Variants in PDZD2 observed in about 807,000 individuals in gnomAD.
PDZD2 encodes the protein PDZ domain-containing protein 2.
PDZD2 carries 90 observed loss-of-function variants against 220.7 expected under a neutral mutation model. The observed-to-expected ratio is 0.41, with a 90% CI of 0.34 to 0.49. The LOEUF (loss-of-function observed/expected upper bound fraction) is 0.49, where lower values mean the gene tolerates loss of function less well. Ranked by LOEUF, PDZD2 falls within the 20% of genes least tolerant of loss-of-function variation. PDZD2 has a pLI of 0.28. For missense variants in PDZD2, 3,174 were observed against 3,608.5 expected (o/e 0.88, Z 3.08); for synonymous variants, 1,375 against 1,450.5 (o/e 0.95, Z 1.18).
rs1752024104 is a variant in PDZD2 at position 32,000,555 on chromosome 5, G to T, written c.1254+284G>T. ...GACGGAGTTTCACTCTTGTTGCCTA[G>T]TCTGGAGTGCAATGGCGCAATCTCG... On this transcript the variant is annotated intron_variant, in intron 5 of 24. Transcript: ENST00000438447. The surrounding 1 kb of genome is among the most constrained non-coding windows in gnomAD (Gnocchi z 4.5). 6.6e-6 allele frequency among the ~76,000 whole-genome samples: 1 copy of T among 152,012 alleles called. No homozygotes were observed. The highest frequency in any genetic ancestry group is 1.5e-5 in the Non-Finnish European group (1 of 68,012).
At chr5:31,892,143 C>G (rs1741106143) in intron 2 of PDZD2, among the ~76,000 whole-genome samples, 1 of 151,980 alleles carries the variant, frequency 6.6e-6, no homozygotes, top group African/African-American at 2.4e-5. Context: ...TCCTGGGGTT[C>G]AAGCATTTCT....
intron 14 of PDZD2, among the ~76,000 whole-genome samples, chr5:32,068,249 A>G (rs868175751): frequency 5.0e-4 from 76 of 152,340 alleles, no homozygotes; most frequent in African/African-American, 1.8e-3. Context: ...AGTGCCATGA[A>G]AGACCAAGGA....
intron 2 of PDZD2, among the ~76,000 whole-genome samples, chr5:31,835,867 C>T (rs920315308): frequency 1.3e-5 from 2 of 152,146 alleles, no homozygotes; most frequent in Admixed American, 6.5e-5. Context: ...GTGACATAAG[C>T]GTTCCTTCTG....
Position 32,052,639 on chromosome 5 carries a change from G to A in PDZD2, c.1694G>A (p.Arg565His), listed in dbSNP as rs764665924. Reference protein sequence around the residue: ...QEYHIVKKSTRSLSTTQVESP... With the variant: ...QEYHIVKKSTHSLSTTQVESP... Reference sequence around the variant, plus strand: ...TACCACATTGTGAAGAAGTCTACCCGCTCCTTAAGCACGACTCAGGTGGAA... The same window carrying A: ...TACCACATTGTGAAGAAGTCTACCCACTCCTTAAGCACGACTCAGGTGGAA... Residue 565 changes from arginine (R) to histidine (H), a missense_variant, in exon 9 of 25, where the codon CGC becomes CAC. Transcript: ENST00000438447. The A allele has an allele frequency of 9.3e-6, 15 of 1,613,180 alleles. No individual in the cohort carries two copies. The highest frequency in any genetic ancestry group is 1.7e-5 in the Admixed American group (1 of 60,012).
intron 1 of PDZD2, among the ~76,000 whole-genome samples, chr5:31,691,469 A>ATCTGGCG (rs1561386389): frequency 1.4e-4 from 18 of 129,034 alleles, no homozygotes; most frequent in Middle Eastern, 3.8e-3. Context: ...TTATTCTCTT[A>ATCTGGCG]CCTGGCGCCA....
At chr5:32,059,010 G>T (rs541088345) in intron 12 of PDZD2, among the ~76,000 whole-genome samples, 10 of 152,204 alleles carry the variant, frequency 6.6e-5, no homozygotes, top group African/African-American at 2.4e-4. Flanking sequence ...AGAGTTGACC[G>T]TCGGATAATT....
At chr5:31,720,010 T>C (rs566335905) in intron 1 of PDZD2, among the ~76,000 whole-genome samples, 1 of 152,346 alleles carries the variant, frequency 6.6e-6, no homozygotes, top group South Asian at 2.1e-4. Flanking sequence ...GCTGCCCCAG[T>C]GGAGATCTTT....
intron 8 of PDZD2, among the ~76,000 whole-genome samples, chr5:32,051,134 G>T (rs1257876796): frequency 6.6e-6 from 1 of 152,176 alleles, no homozygotes; most frequent in Non-Finnish European, 1.5e-5. Context: ...TCCCAAAAGA[G>T]AGATGGAGTG....
At chr5:31,666,382 C>T (rs1745987902) in intron 1 of PDZD2, among the ~76,000 whole-genome samples, 1 of 152,210 alleles carries the variant, frequency 6.6e-6, no homozygotes, top group Non-Finnish European at 1.5e-5. Context: ...ATTTCTCCTG[C>T]AGCCGAGCTT....
At chr5:32,049,300 C>A (rs1198525757) in intron 8 of PDZD2, among the ~76,000 whole-genome samples, 1 of 152,190 alleles carries the variant, frequency 6.6e-6, no homozygotes, top group Non-Finnish European at 1.5e-5. Context: ...GGTCTCCTAA[C>A]CAAGGCTAAG....
intron 2 of PDZD2, among the ~76,000 whole-genome samples, chr5:31,906,585 G>A (rs1335825385): frequency 6.6e-6 from 1 of 152,110 alleles, no homozygotes; most frequent in African/African-American, 2.4e-5. Context: ...GCTCACCCCT[G>A]TAATCCTCAC....
intron 3 of PDZD2, 89 bp from the exon 4 acceptor site, chr5:31,995,487 A>G: frequency 7.5e-7 from 1 of 1,337,692 alleles, no homozygotes; most frequent in Non-Finnish European, 1.1e-6. Flanking sequence ...AGTGATGGAT[A>G]TTCGGCCAGA....
At chr5:31,694,625 G>C (rs1160967243) in intron 1 of PDZD2, among the ~76,000 whole-genome samples, 1 of 152,120 alleles carries the variant, frequency 6.6e-6, no homozygotes, top group Non-Finnish European at 1.5e-5. Context: ...GCCTTGGAGA[G>C]GAAATGGGAC....
At chr5:31,664,410 G>A (rs931116129) in intron 1 of PDZD2, among the ~76,000 whole-genome samples, 2 of 151,844 alleles carry the variant, frequency 1.3e-5, no homozygotes, top group East Asian at 3.9e-4. Flanking sequence ...ATACAGGCCA[G>A]GGCCATCACA....
chr5:31,657,058 C>T lies in PDZD2; in HGVS notation c.-361+17621C>T, dbSNP rs554445179. Among the ~76,000 whole-genome samples, 21 of 152,276 alleles carry T rather than the reference C, an allele frequency of 1.4e-4. 1 individual carries two copies. In the East Asian group the frequency reaches 2.7e-3, roughly 20 times the overall value. ...TGGAGGGAGTGATGTCATACTGAGACAGGAAATGTCATAAAGCTGGAAAAT... is the reference window on the plus strand; with the variant it reads ...TGGAGGGAGTGATGTCATACTGAGATAGGAAATGTCATAAAGCTGGAAAAT... On this transcript the variant is annotated intron_variant, in intron 1 of 24. Coordinates refer to ENST00000438447, the MANE Select transcript of PDZD2 (RefSeq NM_178140.4).
intron 1 of PDZD2, among the ~76,000 whole-genome samples, chr5:31,714,010 G>A (rs1256487298): frequency 1.3e-5 from 2 of 152,128 alleles, no homozygotes; most frequent in Non-Finnish European, 2.9e-5. Flanking sequence ...CATCACAAAT[G>A]GACTAAGATG....
intron 2 of PDZD2, among the ~76,000 whole-genome samples, chr5:31,877,899 G>A (rs1453865702): frequency 6.6e-6 from 1 of 152,036 alleles, no homozygotes; most frequent in Non-Finnish European, 1.5e-5. Context: ...ATATTGGCCA[G>A]GCTGGTCTCG....
In PDZD2 at chr5:31,855,147, G is replaced by GA. The variant is rs1384436451; in HGVS notation, c.476+55425dup. The GA allele has an allele frequency of 3.1e-5, 30 of 982,152 alleles. No homozygotes were observed. In the South Asian group the frequency reaches 1.2e-3, roughly 40 times the overall value. 60.8% of individuals were successfully genotyped at this position (982,152 alleles called of 1,614,324 possible). On this transcript the variant is annotated intron_variant, in intron 2 of 24. Coordinates refer to ENST00000438447, the MANE Select transcript of PDZD2 (RefSeq NM_178140.4). ...CAGGAGCTCCGGAGAGGAACCCTCC[G>GA]AAGGTGACTTCAGAACTGGAGGTAG...
At chr5:31,989,421 C>A (rs60324816) in intron 3 of PDZD2, among the ~76,000 whole-genome samples, 7 of 119,896 alleles carry the variant, frequency 5.8e-5, no homozygotes, top group East Asian at 2.6e-4. Context: ...ATTTTCTTTT[C>A]TTTTTTTTTT....
Sources: gnomAD v4.1 joint callset for allele counts (sites outside exome capture counted in the v4.1 genomes callset) on GRCh38, gnomAD v4.1.1 for gene constraint, Gnocchi (gnomAD v3.1) non-coding constraint, MANE v1.5 for transcripts, NCBI Gene and HGNC (gene_info 2026-07-23, HGNC 2026-07-21) for gene names.